Variants in PARD3B observed in about 807,000 individuals in gnomAD.
The protein encoded by PARD3B is par-3 family cell polarity regulator beta, also known as partitioning defective 3 homolog B.
In PARD3B, 103 loss-of-function variants were observed where a neutral mutation model predicts 130.2. The ratio of observed to expected loss-of-function variants is 0.79; its 90% CI spans 0.67 to 0.93. The LOEUF (loss-of-function observed/expected upper bound fraction) is 0.93. PARD3B is among the 40% of genes least tolerant of loss of function. PARD3B has a pLI of 0.00. For synonymous variants in PARD3B, 583 were observed against 553.2 expected, an observed-to-expected ratio of 1.05 and a Z score of -0.76; for missense variants, 1,609 against 1,499.2, an observed-to-expected ratio of 1.07 and a Z score of -1.21.
At chr2:204,720,997 A>C (rs563065690) in intron 2 of PARD3B, among the ~76,000 whole-genome samples, 63 of 152,262 alleles carry the variant, frequency 4.1e-4, no homozygotes, top group African/African-American at 1.5e-3. Flanking sequence ...GTGCCACCCC[A>C]GATTAAATTA....
chr2:205,157,013 A>C (rs1056063371), intron 10 of PARD3B, among the ~76,000 whole-genome samples: 3 of 152,222 alleles, frequency 2.0e-5, no homozygotes, highest in African/African-American at 7.2e-5. Context: ...CTAAAGCAAA[A>C]TTAGTTCTTG....
intron 16 of PARD3B, among the ~76,000 whole-genome samples, chr2:205,252,428 A>G (rs905292165): frequency 2.0e-5 from 3 of 152,168 alleles, no homozygotes; most frequent in Admixed American, 6.5e-5. Context: ...AAAGAGTTCA[A>G]TGCAAAAACC....
intron 15 of PARD3B, among the ~76,000 whole-genome samples, chr2:205,236,315 A>C (rs1315260069): frequency 1.3e-5 from 2 of 152,212 alleles, no homozygotes; most frequent in East Asian, 3.9e-4. Context: ...AATAAAGAGG[A>C]GTGAATATTT....
intron 2 of PARD3B, among the ~76,000 whole-genome samples, chr2:204,884,252 A>T (rs1473704970): frequency 2.6e-5 from 4 of 152,164 alleles, no homozygotes; most frequent in Admixed American, 2.6e-4. Context: ...CAAATTTGAA[A>T]TGTTACCATT....
chr2:205,531,082 A>G (rs187513847), intron 21 of PARD3B, among the ~76,000 whole-genome samples: 4 of 152,342 alleles, frequency 2.6e-5, no homozygotes. Flanking sequence ...ACTCTCTGCA[A>G]GAAGATATAA....
intron 3 of PARD3B, among the ~76,000 whole-genome samples, chr2:205,012,095 A>G (rs1695762106): frequency 6.6e-6 from 1 of 151,920 alleles, no homozygotes; most frequent in Non-Finnish European, 1.5e-5. Flanking sequence ...TGGCCTCCCT[A>G]CCTCTGTAGG....
intron 4 of PARD3B, among the ~76,000 whole-genome samples, chr2:205,084,704 T>C (rs991595264): frequency 2.6e-5 from 4 of 152,026 alleles, no homozygotes; most frequent in Admixed American, 6.6e-5. Flanking sequence ...GTGAGGTTTT[T>C]GCTCGTTTTT....
In PARD3B at chr2:204,933,171, G is replaced by A. The variant is rs191278469; in HGVS notation, c.223-31981G>A. 2.1e-3 allele frequency among the ~76,000 whole-genome samples: 320 copies of A among 152,170 alleles called. 2 individuals carry two copies. The highest frequency in any genetic ancestry group is 7.5e-3 in the African/African-American group (312 of 41,516). ...CGTTAGAATTAATAGAATTTGTAGG[G>A]CCCTGTGCACATCCTGCATATCTGC... On this transcript the variant is annotated intron_variant, in intron 2 of 22. Transcript: ENST00000406610.
intron 1 of PARD3B, among the ~76,000 whole-genome samples, chr2:204,659,844 A>G (rs944399035): frequency 2.0e-5 from 3 of 152,186 alleles, no homozygotes; most frequent in Admixed American, 6.6e-5. Context: ...GATGCTATTT[A>G]CAAAAATTAT....
intron 15 of PARD3B, among the ~76,000 whole-genome samples, chr2:205,204,515 G>C (rs973846253): frequency 5.9e-5 from 9 of 152,174 alleles, no homozygotes; most frequent in African/African-American, 2.2e-4. Context: ...TAGACATGAA[G>C]TCTTTGCCCA....
At chr2:204,662,777 A>T (rs1574641401) in intron 1 of PARD3B, among the ~76,000 whole-genome samples, 1 of 152,172 alleles carries the variant, frequency 6.6e-6, no homozygotes, top group East Asian at 1.9e-4. Flanking sequence ...GCCATTATTC[A>T]TGCTAAGACA....
At chr2:204,951,895 C>T (rs1324449784) in intron 2 of PARD3B, among the ~76,000 whole-genome samples, 1 of 152,186 alleles carries the variant, frequency 6.6e-6, no homozygotes, top group African/African-American at 2.4e-5. Context: ...TTTAACCTGT[C>T]ACTGTCACTG....
intron 2 of PARD3B, among the ~76,000 whole-genome samples, chr2:204,933,813 A>AG: frequency 6.6e-6 from 1 of 152,200 alleles, no homozygotes; most frequent in Admixed American, 6.5e-5. Flanking sequence ...TTATTTCCTA[A>AG]AATGATAAGT....
intron 1 of PARD3B, among the ~76,000 whole-genome samples, chr2:204,628,950 T>C (rs900384136): frequency 2.0e-5 from 3 of 152,152 alleles, no homozygotes; most frequent in Admixed American, 2.0e-4. Context: ...AGAATATATA[T>C]GGTAAAGGTT....
chr2:204,669,566 T>C lies in PARD3B; in HGVS notation c.121-16615T>C, dbSNP rs899158664. ...GGTTTAGTAGTTACGACATTGGCAT[T>C]GTTAGGAATGACAAATAGTCATTTC... On this transcript the variant is annotated intron_variant, in intron 1 of 22. Transcript: ENST00000406610. The surrounding 1 kb of genome is among the most constrained non-coding windows in gnomAD (Gnocchi z 4.3). Among the ~76,000 whole-genome samples the C allele has an allele frequency of 3.3e-5, 5 of 152,176 alleles. No homozygotes were observed. Among genetic ancestry groups the C allele is most frequent in the African/African-American group, 1.2e-4 (5 of 41,450 alleles).
intron 15 of PARD3B, among the ~76,000 whole-genome samples, chr2:205,197,444 A>G (rs190101163): frequency 6.6e-6 from 1 of 152,278 alleles, no homozygotes; most frequent in Non-Finnish European, 1.5e-5. Flanking sequence ...GAGATGGTTA[A>G]CACATTATAT....
In PARD3B at chr2:205,281,570, T is replaced by C. The variant is rs1369809384; in HGVS notation, c.2186-18960T>C. The stretch of plus-strand genomic sequence containing the variant: ...AACAAACCAGGAAATCCACTTTTTT[T>C]CCTAAGTTGGGAAAATACATGCCTC... On this transcript the variant is annotated intron_variant, in intron 16 of 22. Transcript: ENST00000406610. This position sits in a 1 kb window ranked among gnomAD's most constrained non-coding sequence, Gnocchi z 4.2. Among the ~76,000 whole-genome samples, 1 of 152,188 alleles carries C rather than the reference T, an allele frequency of 6.6e-6. No homozygotes were observed. The highest frequency in any genetic ancestry group is 1.5e-5 in the Non-Finnish European group (1 of 68,032).
intron 3 of PARD3B, among the ~76,000 whole-genome samples, chr2:205,009,379 G>C (rs1359907105): frequency 1.3e-5 from 2 of 152,098 alleles, no homozygotes; most frequent in African/African-American, 4.8e-5. Context: ...GAATTTTATA[G>C]TGTACACACC....
chr2:205,190,440 C>T (rs1417569973), intron 14 of PARD3B, among the ~76,000 whole-genome samples: 1 of 152,206 alleles, frequency 6.6e-6, no homozygotes, highest in African/African-American at 2.4e-5. Context: ...GTGCACCATT[C>T]TATTGAAACA....
Sources: allele counts gnomAD v4.1 joint callset (sites outside exome capture counted in the v4.1 genomes callset), GRCh38; gene constraint gnomAD v4.1.1; non-coding constraint Gnocchi (gnomAD v3.1); transcripts MANE v1.5; gene names NCBI Gene and HGNC (gene_info 2026-07-23, HGNC 2026-07-21).